Variants in LINGO2 observed in about 807,000 individuals in gnomAD.
The protein encoded by LINGO2 is leucine-rich repeat and immunoglobulin-like domain-containing nogo receptor-interacting protein 2.
A neutral mutation model predicts 30.6 loss-of-function variants in LINGO2; 14 were observed. That is an observed-to-expected ratio of 0.46 (90% confidence interval 0.30 to 0.72). The LOEUF (loss-of-function observed/expected upper bound fraction) is 0.72, where lower values mean the gene tolerates loss of function less well. LINGO2 is among the 30% of genes least tolerant of loss of function. LINGO2 has a pLI of 0.07. For synonymous variants in LINGO2, 317 were observed against 288.5 expected (o/e 1.10, Z -1.00); for missense variants, 729 against 751.7 (o/e 0.97, Z 0.35).
chr9:27,966,154 C>A (rs1820090867), intron 5 of LINGO2, among the ~76,000 whole-genome samples: 1 of 151,904 alleles, frequency 6.6e-6, no homozygotes, highest in Non-Finnish European at 1.5e-5. Flanking sequence ...GTACTGAAAA[C>A]CCTTTTTGAT....
At chr9:28,419,029 A>G (rs1823082732) in intron 2 of LINGO2, among the ~76,000 whole-genome samples, 1 of 152,174 alleles carries the variant, frequency 6.6e-6, no homozygotes, top group Admixed American at 6.5e-5. Flanking sequence ...AGTCCAGAGT[A>G]ACATTTCCAG....
At chr9:28,372,102 G>A (rs567881977) in intron 3 of LINGO2, among the ~76,000 whole-genome samples, 1 of 152,140 alleles carries the variant, frequency 6.6e-6, no homozygotes, top group South Asian at 2.1e-4. Context: ...TGGATGGAGT[G>A]AAAAATTATT....
the LINGO2 span, among the ~76,000 whole-genome samples, chr9:28,972,888 A>G: frequency 6.6e-6 from 1 of 152,172 alleles, no homozygotes; most frequent in Non-Finnish European, 1.5e-5. Context: ...TGCCCCTGTG[A>G]TTCAGTTACC....
chr9:28,754,178 T>G, the LINGO2 span, among the ~76,000 whole-genome samples: 1 of 152,082 alleles, frequency 6.6e-6, no homozygotes, highest in South Asian at 2.1e-4. Context: ...TACTATTTTA[T>G]TAAACATTAC....
intron 3 of LINGO2, among the ~76,000 whole-genome samples, chr9:28,319,572 A>G (rs996055516): frequency 5.3e-5 from 8 of 152,182 alleles, no homozygotes; most frequent in African/African-American, 1.4e-4. Context: ...CTAGTAACAC[A>G]TACAGCGTGA....
At chr9:28,823,381 A>G in the LINGO2 span, among the ~76,000 whole-genome samples, 5 of 152,346 alleles carry the variant, frequency 3.3e-5, no homozygotes, top group East Asian at 7.7e-4. Context: ...AGGTCAATAT[A>G]TCAAAAGGTT....
chr9:28,345,294 G>C (rs1407816732), intron 3 of LINGO2, among the ~76,000 whole-genome samples: 1 of 151,790 alleles, frequency 6.6e-6, no homozygotes, highest in Non-Finnish European at 1.5e-5. Context: ...TGGTTACTAA[G>C]GGCCTAAGTG....
the LINGO2 span, among the ~76,000 whole-genome samples, chr9:29,159,810 A>T: frequency 6.7e-6 from 1 of 150,184 alleles, no homozygotes; most frequent in East Asian, 2.0e-4. Context: ...GTGAGCCAAG[A>T]TCACTGCACT....
At chr9:28,917,855 TTGAAATTA>T in the LINGO2 span, among the ~76,000 whole-genome samples, 1 of 151,956 alleles carries the variant, frequency 6.6e-6, no homozygotes, top group East Asian at 1.9e-4. Context: ...TTCTTCTAGG[TTGAAATTA>T]TGAAAGAAAA....
the LINGO2 span, among the ~76,000 whole-genome samples, chr9:29,112,106 TTA>T: frequency 6.6e-6 from 1 of 151,832 alleles, no homozygotes; most frequent in Non-Finnish European, 1.5e-5. Flanking sequence ...TCTGAATTTA[TTA>T]TCTTTTAAAA....
intron 4 of LINGO2, among the ~76,000 whole-genome samples, chr9:28,204,049 A>G (rs1280406557): frequency 1.3e-5 from 2 of 152,190 alleles, no homozygotes; most frequent in African/African-American, 4.8e-5. Context: ...TTTTTATTGA[A>G]TGCCACAAAG....
the LINGO2 span, among the ~76,000 whole-genome samples, chr9:29,057,511 T>C: frequency 1.3e-5 from 2 of 152,290 alleles, no homozygotes; most frequent in South Asian, 4.1e-4. Flanking sequence ...TTAACTTTCT[T>C]CCTGGTGTCA....
chr9:28,239,250 A>C (rs1010360225), intron 4 of LINGO2, among the ~76,000 whole-genome samples: 2 of 152,120 alleles, frequency 1.3e-5, no homozygotes, highest in Non-Finnish European at 2.9e-5. Context: ...CTGTTCTGAA[A>C]AATAGAGGAA....
At chr9:28,316,326 C>T (rs1434856830) in intron 3 of LINGO2, among the ~76,000 whole-genome samples, 7 of 151,404 alleles carry the variant, frequency 4.6e-5, no homozygotes, top group Middle Eastern at 3.4e-3. Context: ...AATAAAAAAA[C>T]GGATGAAGAC....
intron 4 of LINGO2, among the ~76,000 whole-genome samples, chr9:28,270,573 C>T (rs1374042467): frequency 6.6e-6 from 1 of 152,080 alleles, no homozygotes; most frequent in Non-Finnish European, 1.5e-5. Flanking sequence ...TCCTACCAGC[C>T]ACCTCCCTTA....
chr9:29,099,148 T>C, the LINGO2 span, among the ~76,000 whole-genome samples: 1 of 152,192 alleles, frequency 6.6e-6, no homozygotes, highest in Non-Finnish European at 1.5e-5. Context: ...GTTTCTTCAA[T>C]CGATAGTGCT....
intron 4 of LINGO2, among the ~76,000 whole-genome samples, chr9:28,064,449 G>T (rs535496648): frequency 6.6e-6 from 1 of 152,086 alleles, no homozygotes; most frequent in African/African-American, 2.4e-5. Flanking sequence ...GGCTTGTCTC[G>T]GTATAGTAAC....
chr9:28,026,487 G>A (rs1249932676), intron 4 of LINGO2, among the ~76,000 whole-genome samples: 2 of 152,128 alleles, frequency 1.3e-5, no homozygotes, highest in African/African-American at 2.4e-5. Flanking sequence ...AGGCGTTCTG[G>A]GATGGTGCTG....
the LINGO2 span, among the ~76,000 whole-genome samples, chr9:29,162,344 C>G: frequency 6.6e-6 from 1 of 152,134 alleles, no homozygotes; most frequent in Non-Finnish European, 1.5e-5. Context: ...TTTCAATAGA[C>G]AGTTACCAAG....
Sources: gnomAD v4.1 joint callset for allele counts (sites outside exome capture counted in the v4.1 genomes callset) on GRCh38, gnomAD v4.1.1 for gene constraint, MANE v1.5 for transcripts, NCBI Gene and HGNC (gene_info 2026-07-23, HGNC 2026-07-21) for gene names.